Variants in HS6ST3 observed in about 807,000 individuals in gnomAD.
The protein encoded by HS6ST3 is heparan-sulfate 6-O-sulfotransferase 3.
A neutral mutation model predicts 36.7 loss-of-function variants in HS6ST3; 12 were observed. The observed-to-expected ratio is 0.33, with a 90% CI of 0.21 to 0.53. HS6ST3 has a LOEUF of 0.53. Among genes scored for constraint, HS6ST3 ranks in the 20% least tolerant of loss-of-function variants. The probability of loss-of-function intolerance (pLI) is 0.95; values close to 1 mark genes in which losing one functional copy is unlikely to be tolerated. For synonymous variants in HS6ST3, 240 were observed against 257.5 expected, an observed-to-expected ratio of 0.93 and a Z score of 0.65; for missense variants, 584 against 640.9, an observed-to-expected ratio of 0.91 and a Z score of 0.96.
At chr13:96,746,781 T>C (rs1876572989) in intron 1 of HS6ST3, among the ~76,000 whole-genome samples, 1 of 152,108 alleles carries the variant, frequency 6.6e-6, no homozygotes, top group Non-Finnish European at 1.5e-5. Context: ...ATTATATCTT[T>C]TGATTTCTAA....
intron 1 of HS6ST3, among the ~76,000 whole-genome samples, chr13:96,385,804 G>T (rs2055364711): frequency 6.6e-6 from 1 of 152,118 alleles, no homozygotes; most frequent in Non-Finnish European, 1.5e-5. Flanking sequence ...TAATTTGCAT[G>T]AATTATCTTA....
At chr13:96,159,676 C>T (rs2054127186) in intron 1 of HS6ST3, among the ~76,000 whole-genome samples, 1 of 152,220 alleles carries the variant, frequency 6.6e-6, no homozygotes, top group Non-Finnish European at 1.5e-5. Flanking sequence ...TGAAATAATA[C>T]CTTGGTAAGA....
intron 1 of HS6ST3, among the ~76,000 whole-genome samples, chr13:96,197,280 A>G (rs2054318922): frequency 6.6e-6 from 1 of 152,202 alleles, no homozygotes; most frequent in Non-Finnish European, 1.5e-5. Flanking sequence ...AAGCAAAAGC[A>G]GAAACCCCTG....
intron 1 of HS6ST3, among the ~76,000 whole-genome samples, chr13:96,195,161 T>G (rs989409934): frequency 3.9e-5 from 6 of 152,170 alleles, no homozygotes; most frequent in African/African-American, 1.4e-4. Context: ...TTTTTTAAAA[T>G]GTCAAAACTA....
chr13:96,342,095 G>T (rs1452082055), intron 1 of HS6ST3, among the ~76,000 whole-genome samples: 1 of 151,522 alleles, frequency 6.6e-6, no homozygotes, highest in African/African-American at 2.4e-5. Flanking sequence ...AAAAAAAAAA[G>T]TTCATTATTT....
rs142471768 is a variant in HS6ST3, at chr13:96,116,963, G to A, written c.707+25394G>A. ...GTTTTGGAGGATACACATTCATTTT[G>A]ATGTTGAGCTTTATCATTGACTACA... On this transcript the variant is annotated intron_variant, in intron 1 of 1. Transcript: ENST00000376705. 3.0e-3 allele frequency among the ~76,000 whole-genome samples: 460 copies of A among 152,268 alleles called. 3 individuals are homozygous for A. The highest frequency in any genetic ancestry group is 0.027 in the Middle Eastern group (8 of 294).
At chr13:96,646,183 G>A (rs568841517) in intron 1 of HS6ST3, among the ~76,000 whole-genome samples, 4 of 152,092 alleles carry the variant, frequency 2.6e-5, no homozygotes, top group East Asian at 1.9e-4. Context: ...TGGCGTTTGC[G>A]GTGACAAGAG....
intron 1 of HS6ST3, among the ~76,000 whole-genome samples, chr13:96,475,866 G>A (rs10047765): frequency 0.025 from 3,852 of 152,196 alleles, 179 homozygotes; most frequent in African/African-American, 0.088. Flanking sequence ...AGCTCATGAT[G>A]ATTGGATTAA....
rs759363125 is a variant in HS6ST3 at position 96,090,815 on chromosome 13, TGCCGCCGCC to T, written c.-36_-28del. The T allele has an allele frequency of 2.9e-5, 41 of 1,431,358 alleles. No individual in the cohort carries two copies. Among genetic ancestry groups the T allele is most frequent in the Non-Finnish European group, 3.5e-5 (38 of 1,085,028 alleles). 88.7% of individuals were successfully genotyped at this position (1,431,358 alleles called of 1,614,324 possible). The stretch of plus-strand genomic sequence containing the variant: ...CTTCCGAGCGGGCGCCCGTCCGCCC[TGCCGCCGCC>T]GCCGCCGCCGCTTCGCCTGCCGGCC... On this transcript the variant is annotated 5_prime_UTR_variant, in exon 1 of 2. Coordinates refer to ENST00000376705, the MANE Select transcript of HS6ST3 (RefSeq NM_153456.4).
At chr13:96,417,732 T>TCTCA (rs1555303961) in intron 1 of HS6ST3, among the ~76,000 whole-genome samples, 66 of 137,300 alleles carry the variant, frequency 4.8e-4, no homozygotes, top group African/African-American at 1.7e-3. Flanking sequence ...ATAGCTTATT[T>TCTCA]CACACACACA....
intron 1 of HS6ST3, among the ~76,000 whole-genome samples, chr13:96,218,296 T>G (rs188056976): frequency 6.6e-6 from 1 of 152,024 alleles, no homozygotes; most frequent in African/African-American, 2.4e-5. Flanking sequence ...CACTCTCCTC[T>G]CTCCCTCTAG....
At chr13:96,595,037 T>C (rs2056396469) in intron 1 of HS6ST3, among the ~76,000 whole-genome samples, 1 of 152,132 alleles carries the variant, frequency 6.6e-6, no homozygotes, top group Non-Finnish European at 1.5e-5. Flanking sequence ...AACTTTGTTG[T>C]TTTTGTTTTT....
intron 1 of HS6ST3, among the ~76,000 whole-genome samples, chr13:96,392,498 C>G (rs912836498): frequency 6.6e-6 from 1 of 152,116 alleles, no homozygotes; most frequent in Admixed American, 6.5e-5. Flanking sequence ...GGAACAAAGA[C>G]AGCTGACCCA....
chr13:96,328,649 G>T (rs1289232049), intron 1 of HS6ST3, among the ~76,000 whole-genome samples: 3 of 151,512 alleles, frequency 2.0e-5, no homozygotes, highest in Middle Eastern at 3.4e-3. Context: ...TCTCTTTTTT[G>T]GTTGTGTCTC....
At position 96,833,086 on chromosome 13, in the gene HS6ST3, G is replaced by T; in HGVS notation, c.1304G>T (p.Arg435Leu). Residue 435 changes from arginine (R) to leucine (L), a missense_variant, in exon 2 of 2, where the codon CGG becomes CTG. Around this residue, in one of 3 missense-constraint regions of HS6ST3, gnomAD observed 360 missense variants for 411.3 expected, o/e 0.88. Transcript: ENST00000376705. Reference protein sequence around the residue: ...LEHQRDRQKRREERRLQREHR... With the variant: ...LEHQRDRQKRLEERRLQREHR... ...CACCAGAGGGACCGCCAGAAGCGGC[G>T]GGAGGAGCGGAGGCTGCAGCGAGAG... 1 of 1,610,336 alleles carries T rather than the reference G, an allele frequency of 6.2e-7. No homozygotes were observed.
chr13:96,179,342 T>A (rs531691546), intron 1 of HS6ST3, among the ~76,000 whole-genome samples: 1 of 152,328 alleles, frequency 6.6e-6, no homozygotes, highest in African/African-American at 2.4e-5. Flanking sequence ...CATCAGTAAC[T>A]AAACGCTATC....
intron 1 of HS6ST3, among the ~76,000 whole-genome samples, chr13:96,102,282 T>C (rs1442047643): frequency 6.6e-6 from 1 of 152,222 alleles, no homozygotes; most frequent in African/African-American, 2.4e-5. Context: ...CCTGTGTACA[T>C]TGGAAGTGTC....
At chr13:96,293,889 A>G (rs2054842039) in intron 1 of HS6ST3, among the ~76,000 whole-genome samples, 1 of 152,110 alleles carries the variant, frequency 6.6e-6, no homozygotes. Flanking sequence ...AGGGTGATAG[A>G]GGATGTTAGT....
chr13:96,557,092 G>T (rs2056243883), intron 1 of HS6ST3, among the ~76,000 whole-genome samples: 1 of 152,170 alleles, frequency 6.6e-6, no homozygotes. Context: ...AAAACAGCCA[G>T]TCCAGCTGTT....
Sources: gnomAD v4.1 joint callset for allele counts (sites outside exome capture counted in the v4.1 genomes callset) on GRCh38, gnomAD v4.1.1 for gene constraint, gnomAD v4.1.1 regional missense constraint, MANE v1.5 for transcripts, NCBI Gene and HGNC (gene_info 2026-07-23, HGNC 2026-07-21) for gene names.